AKAP6: variants seen among roughly 807,000 people sequenced by gnomAD.
AKAP6 encodes the protein A-kinase anchoring protein 6, also known as A-kinase anchor protein 6.
Under a neutral mutation model 188.5 loss-of-function variants are expected in AKAP6, and 58 were observed. That is an observed-to-expected ratio of 0.31 (90% CI 0.25 to 0.38). AKAP6 has a LOEUF of 0.38. AKAP6 is among the 10% of genes least tolerant of loss of function. The pLI, the probability that AKAP6 is intolerant of heterozygous loss-of-function variation, is 1.00. For missense variants in AKAP6, 2,710 were observed against 2,740.0 expected (o/e 0.99, Z 0.24); for synonymous variants, 989 against 998.6 (o/e 0.99, Z 0.18).
intron 4 of AKAP6, among the ~76,000 whole-genome samples, chr14:32,553,317 C>T (rs556913760): frequency 5.3e-5 from 8 of 151,890 alleles, no homozygotes; most frequent in South Asian, 4.2e-4. Context: ...ATTACAGGCA[C>T]CCACCACCAT....
intron 9 of AKAP6, among the ~76,000 whole-genome samples, chr14:32,704,495 T>C (rs1890734499): frequency 6.6e-6 from 1 of 152,198 alleles, no homozygotes; most frequent in Non-Finnish European, 1.5e-5. Context: ...AAACTATGTA[T>C]ATGTTTCAGG....
intron 9 of AKAP6, among the ~76,000 whole-genome samples, chr14:32,710,314 G>C (rs1890990644): frequency 6.6e-6 from 1 of 151,892 alleles, no homozygotes; most frequent in South Asian, 2.1e-4. Context: ...ATTCCATTTG[G>C]AGCATACACA....
intron 7 of AKAP6, among the ~76,000 whole-genome samples, chr14:32,647,619 A>G (rs1888037639): frequency 6.6e-6 from 1 of 152,088 alleles, no homozygotes; most frequent in African/African-American, 2.4e-5. Flanking sequence ...ATAAGACAGG[A>G]TAAAGGGGCA....
intron 10 of AKAP6, among the ~76,000 whole-genome samples, chr14:32,735,333 T>G (rs975805756): frequency 6.6e-6 from 1 of 152,142 alleles, no homozygotes; most frequent in Admixed American, 6.6e-5. Flanking sequence ...AAAATTCAAA[T>G]GAATTTTTAT....
chr14:32,686,390 G>A (rs1316934624), intron 8 of AKAP6, among the ~76,000 whole-genome samples: 4 of 152,010 alleles, frequency 2.6e-5, no homozygotes, highest in Admixed American at 2.6e-4. Flanking sequence ...GCACAACAGG[G>A]GGGCTATAGT....
At chr14:32,353,921 A>G (rs567721118) in intron 1 of AKAP6, among the ~76,000 whole-genome samples, 1 of 152,190 alleles carries the variant, frequency 6.6e-6, no homozygotes, top group Non-Finnish European at 1.5e-5. Context: ...GGACCTCTTC[A>G]AGGAGAACTA....
At chr14:32,384,819 C>T (rs1035021347) in intron 1 of AKAP6, among the ~76,000 whole-genome samples, 1 of 152,034 alleles carries the variant, frequency 6.6e-6, no homozygotes, top group African/African-American at 2.4e-5. Context: ...ATTCTGAAAA[C>T]ATTTTGTGCT....
In AKAP6 at chr14:32,600,656, C is replaced by CA; in HGVS notation, c.2596dup (p.Ser866LysfsTer32). 1 of 1,613,040 alleles carries CA rather than the reference C, an allele frequency of 6.2e-7. No individual in the cohort carries two copies. The highest frequency in any genetic ancestry group is 8.5e-7 in the Non-Finnish European group (1 of 1,179,552). On this transcript the variant is annotated frameshift_variant, in exon 7 of 14. Coordinates refer to ENST00000280979, the MANE Select transcript of AKAP6 (RefSeq NM_004274.5). LOFTEE classifies it high-confidence loss of function. The stretch of plus-strand genomic sequence containing the variant: ...CTGAAGGACATGCTGCGGATGATTG[C>CA]AAGTCAATGGAAGGAGCTGCAGAGG...
chr14:32,744,845 T>A (rs1350118509), intron 11 of AKAP6, among the ~76,000 whole-genome samples: 1 of 152,110 alleles, frequency 6.6e-6, no homozygotes, highest in Non-Finnish European at 1.5e-5. Context: ...TTTCAAATAG[T>A]CTGTCTTCAA....
chr14:32,585,186 C>T (rs549251866), intron 5 of AKAP6, among the ~76,000 whole-genome samples: 7 of 152,076 alleles, frequency 4.6e-5, no homozygotes, highest in Non-Finnish European at 1.0e-4. Context: ...TTATGCATAC[C>T]TAATTCATCA....
chr14:32,356,880 G>C (rs1017047614), intron 1 of AKAP6, among the ~76,000 whole-genome samples: 1 of 152,018 alleles, frequency 6.6e-6, no homozygotes, highest in African/African-American at 2.4e-5. Flanking sequence ...CCCAAGTGCT[G>C]TCTCCTGGGG....
At chr14:32,504,405 A>G (rs899671026) in intron 2 of AKAP6, among the ~76,000 whole-genome samples, 6 of 151,892 alleles carry the variant, frequency 4.0e-5, no homozygotes, top group Non-Finnish European at 7.4e-5. Context: ...CCCAGCCACC[A>G]AGGTAGCTGG....
chr14:32,821,142 A>G (rs950378748), intron 12 of AKAP6, among the ~76,000 whole-genome samples: 2 of 152,238 alleles, frequency 1.3e-5, no homozygotes, highest in Admixed American at 6.5e-5. Context: ...AATTCCATAA[A>G]TTACAATTTG....
intron 3 of AKAP6, among the ~76,000 whole-genome samples, chr14:32,538,073 C>T (rs957926186): frequency 1.3e-5 from 2 of 152,144 alleles, no homozygotes; most frequent in African/African-American, 4.8e-5. Flanking sequence ...TTTCAGTTAT[C>T]CGCTTTATGG....
intron 5 of AKAP6, among the ~76,000 whole-genome samples, chr14:32,594,746 C>T (rs1169560844): frequency 2.0e-5 from 3 of 152,174 alleles, no homozygotes; most frequent in Non-Finnish European, 4.4e-5. Context: ...ACACATTCTT[C>T]CTCCTGCCCT....
At chr14:32,347,249 A>C (rs9322896) in intron 1 of AKAP6, among the ~76,000 whole-genome samples, 17,648 of 152,268 alleles carry the variant, frequency 0.12, 1,390 homozygotes, top group African/African-American at 0.21. Context: ...GAGGCATCAG[A>C]GAAGTCTTGC....
chr14:32,405,357 A>C (rs1889252521), intron 1 of AKAP6, among the ~76,000 whole-genome samples: 1 of 152,156 alleles, frequency 6.6e-6, no homozygotes. Flanking sequence ...GTACAGGACA[A>C]AATTATTTTC....
chr14:32,829,448 A>C (rs1382127069), intron 13 of AKAP6, among the ~76,000 whole-genome samples: 1 of 152,194 alleles, frequency 6.6e-6, no homozygotes, highest in South Asian at 2.1e-4. Context: ...ATCATTGTAC[A>C]TTGTAAATAT....
At chr14:32,579,262 A>C (rs1407790547) in intron 5 of AKAP6, among the ~76,000 whole-genome samples, 5 of 152,250 alleles carry the variant, frequency 3.3e-5, no homozygotes, top group South Asian at 2.1e-4. Context: ...GCTGTGGGCC[A>C]CCAGTATAAA....
Sources: allele counts gnomAD v4.1 joint callset (sites outside exome capture counted in the v4.1 genomes callset), GRCh38; gene constraint gnomAD v4.1.1; transcripts MANE v1.5; gene names NCBI Gene and HGNC (gene_info 2026-07-23, HGNC 2026-07-21).